The following GOPC variants were observed in gnomAD, a reference collection of about 807,000 sequenced individuals.
GOPC encodes the protein Golgi-associated PDZ and coiled-coil motif-containing protein.
In GOPC, 32 loss-of-function variants were observed where a neutral mutation model predicts 51.2. The ratio of observed to expected loss-of-function variants is 0.63; its 90% confidence interval spans 0.47 to 0.84. GOPC has a LOEUF of 0.84. Ranked by LOEUF, GOPC falls within the 40% of genes least tolerant of loss-of-function variation. GOPC has a pLI of 0.00. For missense variants in GOPC, 441 were observed against 555.5 expected (o/e 0.79, Z 2.07); for synonymous variants, 190 against 205.1 (o/e 0.93, Z 0.63).
In GOPC at chr6:117,568,631, A is replaced by G. The variant is rs569814343; in HGVS notation, c.1077+941T>C. Among the ~76,000 whole-genome samples the G allele has an allele frequency of 7.4e-4, 113 of 152,336 alleles. 1 individual carries two copies. The South Asian group carries it at 0.023, about 30-fold the overall frequency. The stretch of plus-strand genomic sequence containing the variant: ...AATACCATTTTGCAGAAAGAGACAG[A>G]TGATGCAGTGGTCTTCAGCAAAGTT... On this transcript the variant is annotated intron_variant, in intron 7 of 8. Coordinates refer to ENST00000368498, the MANE Select transcript of GOPC (RefSeq NM_020399.4).
chr6:117,586,205 G>A (rs2354931), intron 1 of GOPC, among the ~76,000 whole-genome samples: 36,621 of 151,710 alleles, frequency 0.24, 4,887 homozygotes, highest in East Asian at 0.33. Context: ...CTTTTCAAAA[G>A]GCTTTAAACC....
intron 8 of GOPC, 74 bp downstream of exon 8, chr6:117,566,780 A>T (rs907661943): frequency 3.1e-5 from 29 of 938,908 alleles, no homozygotes; most frequent in Non-Finnish European, 4.1e-5. Context: ...TACTGAAGAA[A>T]TTCTGAGGCC....
rs1160545869 is a variant in GOPC, at chr6:117,578,947, C to T, written c.403G>A (p.Ala135Thr). Reference sequence around the variant, plus strand: ...GAGTCAGCACTTTGACCAGTTTTAGCATGAAGCTGCAGCTGAATAGAGTGC... The same window carrying T: ...GAGTCAGCACTTTGACCAGTTTTAGTATGAAGCTGCAGCTGAATAGAGTGC... ...QLHSIQLQLHAKTGQSADSGT... is the reference protein window; with the variant it reads ...QLHSIQLQLHTKTGQSADSGT... The change falls in exon 2 of 9, where the codon GCT (alanine) becomes ACT (threonine). Residue 135 changes from alanine (A) to threonine (T), a missense_variant. This residue lies in a region of GOPC where 204 missense variants were observed against 219.8 expected (regional missense o/e 0.93). Transcript: ENST00000368498. 6.2e-7 allele frequency: 1 copy of T among 1,610,836 alleles called. No homozygotes were observed. The highest frequency in any genetic ancestry group is 1.1e-5 in the South Asian group (1 of 90,266).
At chr6:117,564,885 C>T (rs563443178) in intron 8 of GOPC, among the ~76,000 whole-genome samples, 7 of 152,296 alleles carry the variant, frequency 4.6e-5, no homozygotes, top group Non-Finnish European at 1.0e-4. Flanking sequence ...TTTGTGCAGA[C>T]AGTTTACAAC....
intron 1 of GOPC, among the ~76,000 whole-genome samples, chr6:117,590,860 TTTTG>T (rs1780106136): frequency 6.6e-6 from 1 of 152,098 alleles, no homozygotes; most frequent in African/African-American, 2.4e-5. Flanking sequence ...TTTTGTTTTG[TTTTG>T]TTTTTTGAGA....
intron 1 of GOPC, among the ~76,000 whole-genome samples, chr6:117,582,273 TAC>T (rs71012364): frequency 0.14 from 16,115 of 118,958 alleles, 1,115 homozygotes; most frequent in African/African-American, 0.18. Context: ...CCTCCCCCCC[TAC>T]ACACACACAC....
At chr6:117,573,723 T>G in intron 4 of GOPC, 91 bp from the exon 5 acceptor site, 1 of 1,044,030 alleles carries the variant, frequency 9.6e-7, no homozygotes, top group Non-Finnish European at 1.4e-6. Context: ...AGCTTTTGCA[T>G]GAATCTCAAA....
rs75546989 is a variant in GOPC, at chr6:117,561,364, G to A, written c.*1890C>T. 2,497 of 224,712 alleles carry A rather than the reference G, an allele frequency of 0.011. 40 individuals are homozygous for A. Among genetic ancestry groups the A allele is most frequent in the African/African-American group, 0.051 (2,314 of 44,990 alleles). 13.9% of individuals were successfully genotyped at this position (224,712 alleles called of 1,614,324 possible). A position where few individuals can be genotyped will look rare whatever the true frequency, so the allele number is the denominator to read the frequency against. On this transcript the variant is annotated 3_prime_UTR_variant, in exon 9 of 9. Coordinates refer to ENST00000368498, the MANE Select transcript of GOPC (RefSeq NM_020399.4). ...GATTCAGTCATAGCAGATAAAGGAT[G>A]TTCTCTGAAAAAAATGCCATGGCCA...
intron 8 of GOPC, 57 bp from the exon 9 acceptor site, chr6:117,563,441 G>GCGGCACTAT: frequency 6.5e-7 from 1 of 1,547,064 alleles, no homozygotes; most frequent in Non-Finnish European, 8.9e-7. Flanking sequence ...GTTGGTTTTG[G>GCGGCACTAT]TCAGGTGCAG....
chr6:117,596,657 C>T (rs757051754), intron 1 of GOPC, among the ~76,000 whole-genome samples: 48 of 152,218 alleles, frequency 3.2e-4, no homozygotes, highest in Non-Finnish European at 5.9e-4. Flanking sequence ...GTGTCCTTTC[C>T]TCACTTTATG....
intron 1 of GOPC, among the ~76,000 whole-genome samples, chr6:117,597,702 A>G (rs1333884321): frequency 6.6e-6 from 1 of 152,202 alleles, no homozygotes; most frequent in Non-Finnish European, 1.5e-5. Flanking sequence ...TCACATGGAT[A>G]TCATTTGTAT....
intron 6 of GOPC, among the ~76,000 whole-genome samples, chr6:117,570,492 G>A (rs1427852997): frequency 1.3e-5 from 2 of 151,906 alleles, no homozygotes; most frequent in Non-Finnish European, 2.9e-5. Context: ...GCTAATAAAT[G>A]AGGCAAGAGA....
At chr6:117,583,662 T>C (rs1329290761) in intron 1 of GOPC, among the ~76,000 whole-genome samples, 1 of 152,204 alleles carries the variant, frequency 6.6e-6, no homozygotes, top group African/African-American at 2.4e-5. Flanking sequence ...AAATGTACCT[T>C]TTTTTAATCT....
chr6:117,571,836 C>T lies in GOPC; in HGVS notation c.817-881G>A, dbSNP rs1184472903. 3.9e-5 allele frequency among the ~76,000 whole-genome samples: 6 copies of T among 152,076 alleles called. No homozygotes were observed. In the East Asian group the frequency reaches 1.2e-3, roughly 29 times the overall value. On this transcript the variant is annotated intron_variant, in intron 5 of 8. Transcript: ENST00000368498. ...TGTTCATCAACCCCTCCTTGAAACCCACTCTCTCTGTTAGTTTTTATTACA... is the reference window on the plus strand; with the variant it reads ...TGTTCATCAACCCCTCCTTGAAACCTACTCTCTCTGTTAGTTTTTATTACA...
At position 117,560,805 on chromosome 6, in the gene GOPC, T is replaced by A. The variant is rs192966265; in HGVS notation, c.*2449A>T. ...AAAACGTTTTCTCAACCATTCTGTTTGTGTATACATGTGTGTATTTCTCCT... is the reference window on the plus strand; with the variant it reads ...AAAACGTTTTCTCAACCATTCTGTTAGTGTATACATGTGTGTATTTCTCCT... On this transcript the variant is annotated 3_prime_UTR_variant, in exon 9 of 9. Coordinates refer to ENST00000368498, the MANE Select transcript of GOPC (RefSeq NM_020399.4). 1.9e-5 allele frequency: 4 copies of A among 213,486 alleles called. No individual in the cohort carries two copies. Among genetic ancestry groups the A allele is most frequent in the Admixed American group, 1.8e-4 (3 of 17,098 alleles). 13.2% of individuals were successfully genotyped at this position (213,486 alleles called of 1,614,324 possible).
At chr6:117,571,767 A>G (rs1275273580) in intron 5 of GOPC, among the ~76,000 whole-genome samples, 1 of 152,074 alleles carries the variant, frequency 6.6e-6, no homozygotes, top group East Asian at 1.9e-4. Flanking sequence ...CACAATTAAC[A>G]CTTTTTGTCA....
chr6:117,599,817 G>A (rs949420776), intron 1 of GOPC, among the ~76,000 whole-genome samples: 9 of 152,134 alleles, frequency 5.9e-5, no homozygotes, highest in Middle Eastern at 3.4e-3. Context: ...AATATTTAAA[G>A]ACAAAAAAAA....
chr6:117,574,359 C>T (rs1259445574), intron 4 of GOPC, among the ~76,000 whole-genome samples: 1 of 151,808 alleles, frequency 6.6e-6, no homozygotes, highest in African/African-American at 2.4e-5. Flanking sequence ...AGAATATGCA[C>T]AAAATGATTT....
At chr6:117,567,508 A>G (rs1779722289) in intron 7 of GOPC, among the ~76,000 whole-genome samples, 1 of 152,166 alleles carries the variant, frequency 6.6e-6, no homozygotes, top group African/African-American at 2.4e-5. Flanking sequence ...GACATCATAT[A>G]AATCTTTTCT....
Sources: gnomAD v4.1 joint callset for allele counts (sites outside exome capture counted in the v4.1 genomes callset) on GRCh38, gnomAD v4.1.1 for gene constraint, gnomAD v4.1.1 regional missense constraint, MANE v1.5 for transcripts, NCBI Gene and HGNC (gene_info 2026-07-23, HGNC 2026-07-21) for gene names.